The following CCDC85A variants were observed in gnomAD, a reference collection of about 807,000 sequenced individuals.
CCDC85A encodes the protein coiled-coil domain containing 85A, also known as coiled-coil domain-containing protein 85A.
Under a neutral mutation model 50.2 loss-of-function variants are expected in CCDC85A, and 38 were observed. The ratio of observed to expected loss-of-function variants is 0.76; its 90% CI spans 0.58 to 0.99. The LOEUF (loss-of-function observed/expected upper bound fraction) is 0.99. CCDC85A is among the 50% of genes least tolerant of loss of function. CCDC85A has a pLI of 0.00. For synonymous variants in CCDC85A, 366 were observed against 301.4 expected (o/e 1.21, Z -2.22); for missense variants, 820 against 742.0 (o/e 1.11, Z -1.22).
intron 2 of CCDC85A, among the ~76,000 whole-genome samples, chr2:56,202,553 C>G (rs896483560): frequency 1.3e-5 from 2 of 152,104 alleles, no homozygotes; most frequent in African/African-American, 4.8e-5. Flanking sequence ...GGAAAGAGAC[C>G]AGGAGCAAAA....
chr2:56,372,329 T>A lies in CCDC85A; in HGVS notation c.1318-15T>A. ...ATTTTTCTGAGTGATTGTACCATAT[T>A]GTTCCAAATATAAGGCCAGCCAGAA... On this transcript the variant is annotated splice_polypyrimidine_tract_variant and intron_variant, in intron 3 of 5. Transcript: ENST00000407595. The A allele has an allele frequency of 6.4e-7, 1 of 1,553,312 alleles. No individual in the cohort carries two copies. The highest frequency in any genetic ancestry group is 8.7e-7 in the Non-Finnish European group (1 of 1,148,010).
intron 2 of CCDC85A, among the ~76,000 whole-genome samples, chr2:56,203,889 A>G (rs952794692): frequency 2.0e-5 from 3 of 152,232 alleles, no homozygotes; most frequent in Non-Finnish European, 4.4e-5. Context: ...ATGGAGTTTA[A>G]AAAGAGTGAT....
In CCDC85A at chr2:56,184,711, G is replaced by A. The variant is rs1389337495; in HGVS notation, c.87G>A (p.Pro29=). The A allele has an allele frequency of 2.2e-5, 33 of 1,528,418 alleles. No individual in the cohort carries two copies. The East Asian group carries it at 7.5e-4, about 35-fold the overall frequency. 94.7% of individuals were successfully genotyped at this position (1,528,418 alleles called of 1,614,324 possible). Residue 29 remains proline, a synonymous_variant, in exon 1 of 6, where the codon CCG becomes CCA. Transcript: ENST00000407595. ...CCCCGGCCGGCTCGTCCGCGGCCCC[G>A]CCCGCGCCGGTGGAGGACCTGTCCA... ...SPAPAGSSAA[P]PAPVEDLSKV... is the part of the protein sequence containing the mutation.
intron 2 of CCDC85A, among the ~76,000 whole-genome samples, chr2:56,231,180 C>G (rs1668757620): frequency 6.6e-6 from 1 of 152,162 alleles, no homozygotes; most frequent in African/African-American, 2.4e-5. Flanking sequence ...GACATTCTCT[C>G]ATGGAAGAAT....
rs561037174 is a variant in CCDC85A at position 56,203,677 on chromosome 2, C to T, written c.1240+10237C>T. Among the ~76,000 whole-genome samples the T allele has an allele frequency of 1.7e-4, 26 of 152,208 alleles. No individual in the cohort carries two copies. In the South Asian group the frequency reaches 4.8e-3, roughly 28 times the overall value. ...AGTTATTTTTACATTTCGAGTATCCCTGTGGACTTTCACCCATATGTTAAG... is the reference window on the plus strand; with the variant it reads ...AGTTATTTTTACATTTCGAGTATCCTTGTGGACTTTCACCCATATGTTAAG... On this transcript the variant is annotated intron_variant, in intron 2 of 5. Transcript: ENST00000407595.
intron 5 of CCDC85A, among the ~76,000 whole-genome samples, chr2:56,376,272 T>G (rs897935814): frequency 1.3e-5 from 2 of 152,202 alleles, no homozygotes; most frequent in African/African-American, 4.8e-5. Context: ...GTAGCGTGGA[T>G]GTCTTCAAAT....
At chr2:56,326,042 A>G (rs369272305) in intron 2 of CCDC85A, among the ~76,000 whole-genome samples, 1 of 152,148 alleles carries the variant, frequency 6.6e-6, no homozygotes, top group East Asian at 1.9e-4. Context: ...TAAATCAAGC[A>G]GACTTGGTGC....
chr2:56,219,745 C>G (rs1558590298), intron 2 of CCDC85A, among the ~76,000 whole-genome samples: 2 of 151,846 alleles, frequency 1.3e-5, no homozygotes, highest in South Asian at 2.1e-4. Flanking sequence ...CACTTTGTCC[C>G]CTATTACCAA....
intron 2 of CCDC85A, among the ~76,000 whole-genome samples, chr2:56,210,694 A>G (rs983984257): frequency 6.6e-6 from 1 of 151,760 alleles, no homozygotes; most frequent in African/African-American, 2.4e-5. Context: ...CAGAATTTCC[A>G]TGTGTTCTTT....
At chr2:56,237,461 T>A (rs922971960) in intron 2 of CCDC85A, among the ~76,000 whole-genome samples, 1 of 152,178 alleles carries the variant, frequency 6.6e-6, no homozygotes, top group Non-Finnish European at 1.5e-5. Flanking sequence ...AGAAAAAAAA[T>A]TTGTTAACAA....
At chr2:56,241,462 C>A (rs1027451453) in intron 2 of CCDC85A, among the ~76,000 whole-genome samples, 1 of 151,552 alleles carries the variant, frequency 6.6e-6, no homozygotes, top group Non-Finnish European at 1.5e-5. Context: ...ATCCCCAATT[C>A]CCCCTCCCCA....
At chr2:56,205,117 G>A (rs1676908362) in intron 2 of CCDC85A, among the ~76,000 whole-genome samples, 1 of 152,098 alleles carries the variant, frequency 6.6e-6, no homozygotes, top group Non-Finnish European at 1.5e-5. Flanking sequence ...CTGGAAAAGA[G>A]AGAAGGATTT....
chr2:56,372,562 G>T, intron 4 of CCDC85A, 84 bp downstream of exon 4: 1 of 1,347,740 alleles, frequency 7.4e-7, no homozygotes, highest in Non-Finnish European at 9.7e-7. Flanking sequence ...TATACTGGGG[G>T]GTAGAAAACA....
intron 4 of CCDC85A, among the ~76,000 whole-genome samples, chr2:56,375,347 A>C (rs76378990): frequency 0.016 from 2,376 of 152,300 alleles, 26 homozygotes; most frequent in Non-Finnish European, 0.023. Flanking sequence ...TTTTTTGAAA[A>C]TGCTTTATTA....
chr2:56,189,493 G>A (rs1007912623), intron 1 of CCDC85A, among the ~76,000 whole-genome samples: 3 of 151,860 alleles, frequency 2.0e-5, no homozygotes, highest in African/African-American at 4.8e-5. Flanking sequence ...GTTTCACCAC[G>A]TTGGCCAGAC....
At chr2:56,280,718 G>A (rs1159987585) in intron 2 of CCDC85A, among the ~76,000 whole-genome samples, 1 of 152,120 alleles carries the variant, frequency 6.6e-6, no homozygotes, top group Admixed American at 6.5e-5. Context: ...ATGAGGTGGA[G>A]GTGGGAGGCA....
At chr2:56,377,577 G>C (rs1317729505) in intron 5 of CCDC85A, among the ~76,000 whole-genome samples, 1 of 152,120 alleles carries the variant, frequency 6.6e-6, no homozygotes, top group Non-Finnish European at 1.5e-5. Context: ...TAAAAGGAAG[G>C]GGAGGGCAAG....
chr2:56,280,205 T>C lies in CCDC85A; in HGVS notation c.1241-62674T>C, dbSNP rs117509219. ...TTCATGCACTTGTGCTGGCCTAGCATCTAGAGTTGGCTCTCTGTGGGCCAG... is the reference window on the plus strand; with the variant it reads ...TTCATGCACTTGTGCTGGCCTAGCACCTAGAGTTGGCTCTCTGTGGGCCAG... On this transcript the variant is annotated intron_variant, in intron 2 of 5. Transcript: ENST00000407595. Among the ~76,000 whole-genome samples the C allele has an allele frequency of 5.8e-4, 88 of 152,358 alleles. 1 individual carries two copies. Among genetic ancestry groups the C allele is most frequent in the South Asian group, 1.4e-3 (7 of 4,828 alleles).
At chr2:56,309,365 G>A (rs1420777946) in intron 2 of CCDC85A, among the ~76,000 whole-genome samples, 2 of 152,108 alleles carry the variant, frequency 1.3e-5, no homozygotes, top group Non-Finnish European at 2.9e-5. Context: ...CACATTAAAC[G>A]ACACTGCCAG....
Sources: gnomAD v4.1 joint callset for allele counts (sites outside exome capture counted in the v4.1 genomes callset) on GRCh38, gnomAD v4.1.1 for gene constraint, MANE v1.5 for transcripts, NCBI Gene and HGNC (gene_info 2026-07-23, HGNC 2026-07-21) for gene names.